Variants in TBC1D1 observed in about 807,000 individuals in gnomAD.
TBC1D1 encodes TBC1 (tre-2/USP6, BUB2, cdc16) domain family, member 1.
Under a neutral mutation model 125.6 loss-of-function variants are expected in TBC1D1, and 89 were observed. That is an observed-to-expected ratio of 0.71 (90% CI 0.60 to 0.85). The LOEUF is 0.85. Among genes scored for constraint, TBC1D1 ranks in the 40% least tolerant of loss-of-function variants. The probability of loss-of-function intolerance (pLI) is 0.00; values close to 1 mark genes in which losing one functional copy is unlikely to be tolerated. For missense variants in TBC1D1, 1,377 were observed against 1,469.2 expected, an observed-to-expected ratio of 0.94 and a Z score of 1.03; for synonymous variants, 565 against 564.1, an observed-to-expected ratio of 1.00 and a Z score of -0.02.
In TBC1D1 at chr4:37,956,695, C is replaced by A. The variant is rs548072762; in HGVS notation, c.417+54183C>A. Reference sequence around the variant, plus strand: ...GGCACAGTGGCTCACACCTCTAATCCCAGCACTTTGGGAGACCGAGATGGG... The same window carrying A: ...GGCACAGTGGCTCACACCTCTAATCACAGCACTTTGGGAGACCGAGATGGG... On this transcript the variant is annotated intron_variant, in intron 2 of 19. Coordinates refer to ENST00000261439, the MANE Select transcript of TBC1D1 (RefSeq NM_015173.4). Among the ~76,000 whole-genome samples, 3 of 151,986 alleles carry A rather than the reference C, an allele frequency of 2.0e-5. No individual in the cohort carries two copies. The South Asian group carries it at 6.2e-4, about 32-fold the overall frequency.
intron 3 of TBC1D1, 77 bp downstream of exon 3, chr4:38,015,050 G>C (rs1037897510): frequency 2.4e-6 from 3 of 1,229,888 alleles, no homozygotes; most frequent in Non-Finnish European, 3.4e-6. Flanking sequence ...ATGGAGCGAA[G>C]ATTCTTAGTC....
intron 12 of TBC1D1, among the ~76,000 whole-genome samples, chr4:38,061,468 G>C (rs186712326): frequency 6.6e-6 from 1 of 152,146 alleles, no homozygotes; most frequent in Non-Finnish European, 1.5e-5. Context: ...TATGTGCTAG[G>C]GAACAATATT....
At chr4:38,110,555 A>G (rs1216514544) in intron 15 of TBC1D1, 34 of 985,348 alleles carry the variant, frequency 3.5e-5, no homozygotes, top group Non-Finnish European at 4.1e-5. Flanking sequence ...ATCATCTTGT[A>G]GGCCTTTCTG....
At chr4:37,928,702 G>A (rs1722659335) in intron 2 of TBC1D1, among the ~76,000 whole-genome samples, 1 of 152,242 alleles carries the variant, frequency 6.6e-6, no homozygotes, top group African/African-American at 2.4e-5. Flanking sequence ...GTCTTTGGCA[G>A]AGGAATTATG....
At chr4:37,996,045 C>T in intron 2 of TBC1D1, 1 of 514,766 alleles carries the variant, frequency 1.9e-6, no homozygotes. Flanking sequence ...GGTCAGGCAG[C>T]TACAATGAGG....
At chr4:38,118,750 G>T (rs926790281) in intron 17 of TBC1D1, among the ~76,000 whole-genome samples, 15 of 152,222 alleles carry the variant, frequency 9.9e-5, no homozygotes, top group African/African-American at 3.4e-4. Flanking sequence ...CTTCATGAAG[G>T]CCTCTTGCCC....
intron 2 of TBC1D1, among the ~76,000 whole-genome samples, chr4:37,924,839 G>A (rs919614253): frequency 6.6e-5 from 10 of 152,224 alleles, no homozygotes; most frequent in African/African-American, 2.2e-4. Flanking sequence ...GAACATGGGT[G>A]TACAAATACC....
chr4:38,083,723 A>G (rs1365259409), intron 12 of TBC1D1, among the ~76,000 whole-genome samples: 1 of 152,202 alleles, frequency 6.6e-6, no homozygotes, highest in Non-Finnish European at 1.5e-5. Flanking sequence ...GTTCAATCCC[A>G]GATACCTGGC....
chr4:37,982,235 A>G (rs532823967), intron 2 of TBC1D1, among the ~76,000 whole-genome samples: 31 of 152,304 alleles, frequency 2.0e-4, no homozygotes, highest in African/African-American at 7.5e-4. Context: ...CAGCCTTCCT[A>G]TGTAAGGTGT....
At chr4:38,100,873 A>G (rs919689005) in intron 14 of TBC1D1, among the ~76,000 whole-genome samples, 7 of 152,214 alleles carry the variant, frequency 4.6e-5, no homozygotes, top group African/African-American at 1.7e-4. Flanking sequence ...AGATAGGAAC[A>G]CAAAATATTT....
chr4:37,963,450 C>T (rs956491574), intron 2 of TBC1D1, among the ~76,000 whole-genome samples: 8 of 152,080 alleles, frequency 5.3e-5, no homozygotes, highest in Non-Finnish European at 8.8e-5. Flanking sequence ...GCCAGGAGTT[C>T]GAAACCAGCC....
chr4:38,094,406 A>G (rs1758966848), intron 13 of TBC1D1, among the ~76,000 whole-genome samples: 2 of 152,178 alleles, frequency 1.3e-5, no homozygotes, highest in African/African-American at 4.8e-5. Flanking sequence ...CTATCTCTAC[A>G]AGCTTACAAA....
intron 2 of TBC1D1, among the ~76,000 whole-genome samples, chr4:37,980,508 C>T (rs1734142051): frequency 6.6e-6 from 1 of 152,206 alleles, no homozygotes; most frequent in Non-Finnish European, 1.5e-5. Context: ...TGCAGCAGAA[C>T]TGCCAAGTAA....
intron 12 of TBC1D1, among the ~76,000 whole-genome samples, chr4:38,086,776 C>T (rs1487356083): frequency 6.6e-6 from 1 of 152,156 alleles, no homozygotes; most frequent in Non-Finnish European, 1.5e-5. Context: ...TCAGAGTGTG[C>T]TTGGAGAAAC....
At chr4:38,120,672 C>T (rs1763698970) in intron 17 of TBC1D1, among the ~76,000 whole-genome samples, 1 of 152,182 alleles carries the variant, frequency 6.6e-6, no homozygotes, top group Non-Finnish European at 1.5e-5. Flanking sequence ...GATGTGTGCG[C>T]CTTAACCTTC....
At chr4:37,974,127 T>G (rs1560552891) in intron 2 of TBC1D1, among the ~76,000 whole-genome samples, 1 of 152,208 alleles carries the variant, frequency 6.6e-6, no homozygotes, top group Non-Finnish European at 1.5e-5. Context: ...ATGCACTCCC[T>G]TTTCCACCTT....
intron 7 of TBC1D1, among the ~76,000 whole-genome samples, chr4:38,029,162 A>G (rs902543354): frequency 6.6e-6 from 1 of 152,060 alleles, no homozygotes; most frequent in African/African-American, 2.4e-5. Context: ...GCACTTTTTT[A>G]GGGAGGGAAG....
intron 2 of TBC1D1, among the ~76,000 whole-genome samples, chr4:37,971,712 C>G (rs1732068988): frequency 6.6e-6 from 1 of 152,182 alleles, no homozygotes; most frequent in Admixed American, 6.5e-5. Context: ...GGATCTAAAA[C>G]TGTAAGAGTG....
In TBC1D1 at chr4:38,014,704, G is replaced by T; in HGVS notation, c.613G>T (p.Gly205Cys). ...CATCGAGAAGTTCAATCACGTCAGC[G>T]GCAGCCGGGGGTCCGAGAGCCCCCG... Residue 205 changes from glycine (G) to cysteine (C), a missense_variant, in exon 3 of 20, where the codon GGC becomes TGC. Physicochemically the swap from Gly to Cys is radical, Grantham distance 159. This residue lies in a region of TBC1D1 where 822 missense variants were observed against 824.6 expected (regional missense o/e 1.00). Coordinates refer to ENST00000261439, the MANE Select transcript of TBC1D1 (RefSeq NM_015173.4). This position sits in a 1 kb window ranked among gnomAD's most constrained non-coding sequence, Gnocchi z 5.1. 1 of 1,612,688 alleles carries T rather than the reference G, an allele frequency of 6.2e-7. No homozygotes were observed.
Sources: gnomAD v4.1 joint callset for allele counts (sites outside exome capture counted in the v4.1 genomes callset) on GRCh38, gnomAD v4.1.1 for gene constraint, gnomAD v4.1.1 regional missense constraint, Gnocchi (gnomAD v3.1) non-coding constraint, MANE v1.5 for transcripts, NCBI Gene and HGNC (gene_info 2026-07-23, HGNC 2026-07-21) for gene names.